EIPR1: variants seen among roughly 807,000 people sequenced by gnomAD.
The protein encoded by EIPR1 is EARP and GARP complex-interacting protein 1.
Under a neutral mutation model 48.1 loss-of-function variants are expected in EIPR1, and 25 were observed. That is an observed-to-expected ratio of 0.52 (90% confidence interval 0.38 to 0.73). The LOEUF (loss-of-function observed/expected upper bound fraction) is 0.73. Among genes scored for constraint, EIPR1 ranks in the 30% least tolerant of loss-of-function variants. The pLI, the probability that EIPR1 is intolerant of heterozygous loss-of-function variation, is 0.00. For missense variants in EIPR1, 415 were observed against 506.2 expected, an observed-to-expected ratio of 0.82 and a Z score of 1.73; for synonymous variants, 204 against 201.9, an observed-to-expected ratio of 1.01 and a Z score of -0.09.
chr2:3,370,519 TA>T (rs1394574961), intron 1 of EIPR1, among the ~76,000 whole-genome samples: 4 of 152,058 alleles, frequency 2.6e-5, no homozygotes, highest in African/African-American at 9.7e-5. Flanking sequence ...ATAACTAGAA[TA>T]ACCAATACAG....
chr2:3,353,935 C>A (rs998859440), intron 2 of EIPR1, among the ~76,000 whole-genome samples: 1 of 152,234 alleles, frequency 6.6e-6, no homozygotes, highest in Non-Finnish European at 1.5e-5. Context: ...CAATGCACAT[C>A]TTTGCAATCA....
chr2:3,199,934 C>T (rs56154235), intron 5 of EIPR1, among the ~76,000 whole-genome samples: 2 of 85,740 alleles, frequency 2.3e-5, no homozygotes, highest in Non-Finnish European at 4.4e-5. Context: ...GGGGGGTGTC[C>T]ACATCTGGGC....
At chr2:3,325,459 AG>A (rs1381878251) in intron 3 of EIPR1, among the ~76,000 whole-genome samples, 1 of 152,226 alleles carries the variant, frequency 6.6e-6, no homozygotes, top group Non-Finnish European at 1.5e-5. Context: ...AAGCGGTGAC[AG>A]GAAGCTGGGG....
chr2:3,360,741 T>A (rs1463303637), intron 1 of EIPR1, among the ~76,000 whole-genome samples: 1 of 152,104 alleles, frequency 6.6e-6, no homozygotes, highest in Non-Finnish European at 1.5e-5. Context: ...ATTCTCCACT[T>A]AGAAGGTTTA....
At chr2:3,288,231 A>T (rs1014922871) in intron 3 of EIPR1, among the ~76,000 whole-genome samples, 11 of 152,220 alleles carry the variant, frequency 7.2e-5, no homozygotes, top group Non-Finnish European at 1.3e-4. Flanking sequence ...GCTATTTCCA[A>T]GCCCTGCCTC....
intron 5 of EIPR1, among the ~76,000 whole-genome samples, chr2:3,209,782 A>G (rs1665377286): frequency 6.6e-6 from 1 of 152,166 alleles, no homozygotes; most frequent in Non-Finnish European, 1.5e-5. Flanking sequence ...AACCATCCAT[A>G]CTGTATGGAT....
At chr2:3,354,976 ACAG>A (rs575656611) in intron 1 of EIPR1, among the ~76,000 whole-genome samples, 5 of 152,266 alleles carry the variant, frequency 3.3e-5, no homozygotes, top group Non-Finnish European at 5.9e-5. Flanking sequence ...CTTCAACAAT[ACAG>A]CAGAAAATAG....
chr2:3,269,370 ATCATCGCACTCAGTCATCGCACTCAG>A (rs1347648606), intron 3 of EIPR1, among the ~76,000 whole-genome samples: 2 of 26,098 alleles, frequency 7.7e-5, no homozygotes, highest in African/African-American at 1.6e-4. Flanking sequence ...ATCGCACTCA[ATCATCGCACTCAGTCATCGCACTCAG>A]TCATCGCACT....
intron 4 of EIPR1, among the ~76,000 whole-genome samples, chr2:3,237,939 G>A (rs1261295320): frequency 3.9e-5 from 6 of 152,142 alleles, no homozygotes; most frequent in South Asian, 2.1e-4. Flanking sequence ...TGCCCTCCAC[G>A]GGGATTTGAG....
chr2:3,375,103 C>G (rs1042556631), intron 1 of EIPR1, among the ~76,000 whole-genome samples: 1 of 151,234 alleles, frequency 6.6e-6, no homozygotes, highest in Admixed American at 6.6e-5. Flanking sequence ...AATTGGAAAT[C>G]ATCATTCTCA....
chr2:3,276,379 T>C (rs1317810976), intron 3 of EIPR1, among the ~76,000 whole-genome samples: 1 of 152,284 alleles, frequency 6.6e-6, no homozygotes, highest in Admixed American at 6.5e-5. Context: ...CTCTGAAATT[T>C]CCTTTCATGA....
At chr2:3,228,651 T>C (rs1276583589) in intron 4 of EIPR1, among the ~76,000 whole-genome samples, 2 of 152,194 alleles carry the variant, frequency 1.3e-5, no homozygotes, top group Admixed American at 6.5e-5. Context: ...AATTTCATCC[T>C]GGATTATAAT....
At chr2:3,302,893 G>A (rs1668803240) in intron 3 of EIPR1, among the ~76,000 whole-genome samples, 1 of 152,194 alleles carries the variant, frequency 6.6e-6, no homozygotes, top group Admixed American at 6.5e-5. Flanking sequence ...AGAGGAAAAG[G>A]GCAGAAGCTC....
intron 3 of EIPR1, among the ~76,000 whole-genome samples, chr2:3,268,039 C>T (rs985801442): frequency 6.6e-6 from 1 of 152,218 alleles, no homozygotes; most frequent in African/African-American, 2.4e-5. Flanking sequence ...GAGGCAGGGG[C>T]TTCCACGCCA....
intron 3 of EIPR1, among the ~76,000 whole-genome samples, chr2:3,287,026 A>G (rs1668206478): frequency 6.8e-6 from 1 of 146,650 alleles, no homozygotes; most frequent in African/African-American, 2.6e-5. Context: ...GAGCACACAG[A>G]GTGCCAGCCG....
intron 4 of EIPR1, among the ~76,000 whole-genome samples, chr2:3,229,820 C>T (rs1446571056): frequency 2.0e-5 from 3 of 152,224 alleles, no homozygotes; most frequent in Admixed American, 6.5e-5. Flanking sequence ...GTTTCTTCAG[C>T]TCATGTATGG....
rs189245962 is a variant in EIPR1 at position 3,260,884 on chromosome 2, G to T, written c.260-3429C>A. 3.9e-5 allele frequency among the ~76,000 whole-genome samples: 6 copies of T among 152,278 alleles called. No individual in the cohort carries two copies. In the East Asian group the frequency reaches 1.2e-3, roughly 29 times the overall value. ...AAAAGACCAACAATAGCAAGTATTGGCAAAGATGTACAGTAACTGGATCTC... is the reference window on the plus strand; with the variant it reads ...AAAAGACCAACAATAGCAAGTATTGTCAAAGATGTACAGTAACTGGATCTC... On this transcript the variant is annotated intron_variant, in intron 3 of 8. Transcript: ENST00000382125.
chr2:3,194,401 G>A, intron 6 of EIPR1: 1 of 411,510 alleles, frequency 2.4e-6, no homozygotes, highest in Non-Finnish European at 4.4e-6. Flanking sequence ...GTGACCCTCT[G>A]GGCGAGCCGT....
chr2:3,306,790 C>T (rs1000096348), intron 3 of EIPR1, among the ~76,000 whole-genome samples: 1 of 152,048 alleles, frequency 6.6e-6, no homozygotes, highest in Non-Finnish European at 1.5e-5. Context: ...GCCTCAGGGG[C>T]AGCAGAGGCA....
Sources: gnomAD v4.1 joint callset for allele counts (sites outside exome capture counted in the v4.1 genomes callset) on GRCh38, gnomAD v4.1.1 for gene constraint, MANE v1.5 for transcripts, NCBI Gene and HGNC (gene_info 2026-07-23, HGNC 2026-07-21) for gene names.